Variants in SLC35F2 observed in about 807,000 individuals in gnomAD.
SLC35F2 encodes solute carrier family 35 member F2.
A neutral mutation model predicts 38.1 loss-of-function variants in SLC35F2; 25 were observed. That is an observed-to-expected ratio of 0.66 (90% CI 0.48 to 0.92). The LOEUF is 0.92. Among genes scored for constraint, SLC35F2 ranks in the 40% least tolerant of loss-of-function variants. The pLI is 0.00. For synonymous variants in SLC35F2, 173 were observed against 181.7 expected, an observed-to-expected ratio of 0.95 and a Z score of 0.38; for missense variants, 409 against 452.9, an observed-to-expected ratio of 0.90 and a Z score of 0.88.
chr11:107,797,080 G>A (rs543806963), intron 7 of SLC35F2, among the ~76,000 whole-genome samples: 2 of 152,288 alleles, frequency 1.3e-5, no homozygotes, highest in South Asian at 2.1e-4. Context: ...AAATACTCGA[G>A]GTGATGGACG....
In SLC35F2 at chr11:107,838,383, G is replaced by A. The variant is rs899796163; in HGVS notation, c.110+20275C>T. ...TTTGTCACCCAGGCTGGAGTACAACGGCGTACTCTCGGCTCACTGCAACCT... is the reference window on the plus strand; with the variant it reads ...TTTGTCACCCAGGCTGGAGTACAACAGCGTACTCTCGGCTCACTGCAACCT... On this transcript the variant is annotated intron_variant, in intron 1 of 7. Coordinates refer to ENST00000525815, the MANE Select transcript of SLC35F2 (RefSeq NM_017515.5). Among the ~76,000 whole-genome samples the A allele has an allele frequency of 7.9e-5, 12 of 152,066 alleles. No individual in the cohort carries two copies. The South Asian group carries it at 1.0e-3, about 13-fold the overall frequency.
At chr11:107,818,934 A>T (rs748825006) in intron 1 of SLC35F2, among the ~76,000 whole-genome samples, 2 of 152,156 alleles carry the variant, frequency 1.3e-5, no homozygotes, top group African/African-American at 2.4e-5. Flanking sequence ...TGAGCCCAAG[A>T]GTTCAAAACC....
chr11:107,802,065 C>T (rs1859317411), intron 7 of SLC35F2, among the ~76,000 whole-genome samples: 1 of 151,806 alleles, frequency 6.6e-6, no homozygotes, highest in Non-Finnish European at 1.5e-5. Flanking sequence ...ATGGTGAAAC[C>T]CCATCTCTAC....
At chr11:107,856,113 A>G (rs922132767) in intron 1 of SLC35F2, among the ~76,000 whole-genome samples, 3 of 151,294 alleles carry the variant, frequency 2.0e-5, no homozygotes, top group Non-Finnish European at 4.4e-5. Context: ...CTCAAAAAAA[A>G]AAAAAAAAAA....
rs765970179 is a variant in SLC35F2 at position 107,815,938 on chromosome 11, A to G, written c.138T>C (p.Gly46=). ...TWNILKTIAL[G]QMLSLCICGT... ...CACATATACACAAGGACAACATCTG[A>G]CCCAGGGCAATTGTTTTCAAAATAT... The change falls in exon 2 of 8, where the codon GGT becomes GGC. Residue 46 remains glycine (G), a synonymous_variant. Coordinates refer to ENST00000525815, the MANE Select transcript of SLC35F2 (RefSeq NM_017515.5). 2 of 1,610,810 alleles carry G rather than the reference A, an allele frequency of 1.2e-6. No homozygotes were observed. The highest frequency in any genetic ancestry group is 3.4e-5 in the Admixed American group (2 of 59,104).
rs1860334686 is a variant in SLC35F2 at position 107,858,533 on chromosome 11, C to T, written c.110+125G>A. ...GCGTGTTGAGCCCCGAACCGAAGTC[C>T]GTGCGGCCGCCACCTCTGCCTCCCT... is the stretch of plus-strand genomic sequence containing the variant. On this transcript the variant is annotated intron_variant, in intron 1 of 7. Coordinates refer to ENST00000525815, the MANE Select transcript of SLC35F2 (RefSeq NM_017515.5). 1.5e-5 allele frequency: 13 copies of T among 875,238 alleles called. No homozygotes were observed. The South Asian group carries it at 4.9e-4, about 33-fold the overall frequency. The allele number at this position is 875,238 out of a possible 1,614,324, so 54.2% of individuals were successfully genotyped here.
At chr11:107,806,388 A>C (rs369572962) in intron 4 of SLC35F2, among the ~76,000 whole-genome samples, 1 of 151,950 alleles carries the variant, frequency 6.6e-6, no homozygotes, top group African/African-American at 2.4e-5. Flanking sequence ...ACTATCAACT[A>C]TAATTTTCTC....
At chr11:107,800,526 G>A (rs1227459670) in intron 7 of SLC35F2, among the ~76,000 whole-genome samples, 7 of 152,156 alleles carry the variant, frequency 4.6e-5, no homozygotes, top group African/African-American at 1.4e-4. Flanking sequence ...CTAACTATCT[G>A]CTCAAATGAC....
chr11:107,799,743 TTGTACTTGTAAAGACGGGGTTTCACCA>T (rs1194618954), intron 7 of SLC35F2, among the ~76,000 whole-genome samples: 1 of 152,018 alleles, frequency 6.6e-6, no homozygotes, highest in Non-Finnish European at 1.5e-5. Flanking sequence ...AAGCTAATTT[TTGTACTTGTAAAGACGGGGTTTCACCA>T]TGTTGGCCAG....
chr11:107,851,066 C>A (rs544427310), intron 1 of SLC35F2, among the ~76,000 whole-genome samples: 1 of 151,810 alleles, frequency 6.6e-6, no homozygotes, highest in East Asian at 1.9e-4. Context: ...AGTTCGAGAC[C>A]AGCCTGGCCA....
intron 1 of SLC35F2, among the ~76,000 whole-genome samples, chr11:107,838,456 C>T (rs1191992900): frequency 6.6e-6 from 1 of 151,892 alleles, no homozygotes; most frequent in African/African-American, 2.4e-5. Context: ...TCCCGAGTAG[C>T]TGGGATTACA....
At chr11:107,823,611 G>A (rs142225181) in intron 1 of SLC35F2, among the ~76,000 whole-genome samples, 5 of 152,092 alleles carry the variant, frequency 3.3e-5, no homozygotes, top group African/African-American at 7.2e-5. Context: ...AAATTATATC[G>A]GAAGCATGTT....
intron 1 of SLC35F2, among the ~76,000 whole-genome samples, chr11:107,842,178 T>C (rs1215053751): frequency 1.4e-5 from 2 of 140,008 alleles, no homozygotes; most frequent in African/African-American, 5.3e-5. Flanking sequence ...GGCACAAGAA[T>C]CACTTGAAAC....
Position 107,858,748 on chromosome 11 carries a change from G to C in SLC35F2, c.20C>G (p.Ala7Gly). 1 of 1,274,798 alleles carries C rather than the reference G, an allele frequency of 7.8e-7. No individual in the cohort carries two copies. Among genetic ancestry groups the C allele is most frequent in the Admixed American group, 3.7e-5 (1 of 26,778 alleles). 79.0% of individuals were successfully genotyped at this position (1,274,798 alleles called of 1,614,324 possible). A position where few individuals can be genotyped will look rare whatever the true frequency, so the allele number is the denominator to read the frequency against. Residue 7 changes from alanine (A) to glycine (G), a missense_variant, in exon 1 of 8, where the codon GCG (alanine) becomes GGG (glycine). Transcript: ENST00000525815. MEADSP[A>G]GPGAPEPLAE... is the part of the protein sequence containing the mutation. ...GAGGGGCTCTGGGGCGCCGGGGCCC[G>C]CTGGCGAGTCTGCCTCCATCGGCGC...
At chr11:107,850,241 T>A (rs1860157187) in intron 1 of SLC35F2, among the ~76,000 whole-genome samples, 1 of 152,156 alleles carries the variant, frequency 6.6e-6, no homozygotes, top group Non-Finnish European at 1.5e-5. Flanking sequence ...GGGACATGTA[T>A]GAGAGTGGTC....
At chr11:107,857,216 AAAG>A (rs916278595) in intron 1 of SLC35F2, among the ~76,000 whole-genome samples, 3 of 137,796 alleles carry the variant, frequency 2.2e-5, no homozygotes, top group African/African-American at 5.4e-5. Context: ...AGGAAGGAAC[AAAG>A]AAGGAGGGAG....
intron 1 of SLC35F2, among the ~76,000 whole-genome samples, chr11:107,857,609 C>T (rs375687197): frequency 3.5e-4 from 54 of 152,290 alleles, no homozygotes; most frequent in African/African-American, 1.2e-3. Flanking sequence ...AAAATGCTTA[C>T]ACCTTTATCG....
chr11:107,821,449 A>G (rs994277803), intron 1 of SLC35F2: 1 of 985,284 alleles, frequency 1.0e-6, no homozygotes, highest in African/African-American at 1.7e-5. Flanking sequence ...AGCAAGAGTG[A>G]GAGAGAAAAG....
At chr11:107,808,287 T>C (rs4754263) in intron 3 of SLC35F2, among the ~76,000 whole-genome samples, 22,767 of 151,870 alleles carry the variant, frequency 0.15, 2,784 homozygotes, top group East Asian at 0.42. Flanking sequence ...ATATTGCTCA[T>C]CTGGAAGGCA....
Sources: gnomAD v4.1 joint callset for allele counts (sites outside exome capture counted in the v4.1 genomes callset) on GRCh38, gnomAD v4.1.1 for gene constraint, MANE v1.5 for transcripts, NCBI Gene and HGNC (gene_info 2026-07-23, HGNC 2026-07-21) for gene names.